The following ANTXR1 variants were observed in gnomAD, a reference collection of about 807,000 sequenced individuals.
ANTXR1 encodes anthrax toxin receptor 1.
ANTXR1 carries 19 observed loss-of-function variants against 78.1 expected under a neutral mutation model. That is an observed-to-expected ratio of 0.24 (90% CI 0.17 to 0.36). The LOEUF (loss-of-function observed/expected upper bound fraction) is 0.36, where lower values mean the gene tolerates loss of function less well. ANTXR1 is among the 10% of genes least tolerant of loss of function. The probability of loss-of-function intolerance (pLI) is 1.00; values close to 1 mark genes in which losing one functional copy is unlikely to be tolerated. For synonymous variants in ANTXR1, 273 were observed against 260.5 expected, an observed-to-expected ratio of 1.05 and a Z score of -0.46; for missense variants, 518 against 718.6, an observed-to-expected ratio of 0.72 and a Z score of 3.19.
At chr2:69,238,914 A>G (rs1209010260) in intron 17 of ANTXR1, among the ~76,000 whole-genome samples, 2 of 152,168 alleles carry the variant, frequency 1.3e-5, no homozygotes, top group Non-Finnish European at 2.9e-5. Context: ...CTCCCTCTCC[A>G]CGGAGCGTGC....
intron 17 of ANTXR1, among the ~76,000 whole-genome samples, chr2:69,220,623 TGTTA>T (rs1382250373): frequency 6.6e-6 from 1 of 152,236 alleles, no homozygotes; most frequent in African/African-American, 2.4e-5. Flanking sequence ...ATGTATATAT[TGTTA>T]TTTATTCTTT....
chr2:69,087,747 C>A lies in ANTXR1; in HGVS notation c.643-3112C>A, dbSNP rs575220047. ...ATTCCCCAGTGCTGTGTCTACACCTCTGCCATGGCTACCACTGCCCGGGCC... is the reference window on the plus strand; with the variant it reads ...ATTCCCCAGTGCTGTGTCTACACCTATGCCATGGCTACCACTGCCCGGGCC... On this transcript the variant is annotated intron_variant, in intron 8 of 17. Coordinates refer to ENST00000303714, the MANE Select transcript of ANTXR1 (RefSeq NM_032208.3). Among the ~76,000 whole-genome samples, 4 of 152,288 alleles carry A rather than the reference C, an allele frequency of 2.6e-5. No individual in the cohort carries two copies. The South Asian group carries it at 8.3e-4, about 32-fold the overall frequency.
At chr2:69,235,819 C>T (rs1457132486) in intron 17 of ANTXR1, among the ~76,000 whole-genome samples, 3 of 149,336 alleles carry the variant, frequency 2.0e-5, no homozygotes, top group East Asian at 3.9e-4. Context: ...TATTAGTCTG[C>T]TCTCATACTG....
In ANTXR1 at chr2:69,063,900, A is replaced by G. The variant is rs75823112; in HGVS notation, c.297-6747A>G. ...TCGCAGAGCAACTGCTCTAAAAAAG[A>G]CAAGACATACAGCTTTATGTTTTTA... On this transcript the variant is annotated intron_variant, in intron 3 of 17. Coordinates refer to ENST00000303714, the MANE Select transcript of ANTXR1 (RefSeq NM_032208.3). Among the ~76,000 whole-genome samples the G allele has an allele frequency of 0.016, 2,478 of 152,134 alleles. 104 individuals are homozygous for G. The East Asian group carries it at 0.17, about 10-fold the overall frequency.
At chr2:69,169,518 G>A (rs147261022) in intron 13 of ANTXR1, among the ~76,000 whole-genome samples, 2 of 152,340 alleles carry the variant, frequency 1.3e-5, no homozygotes, top group East Asian at 3.9e-4. Flanking sequence ...TCCCTGCTCT[G>A]TCCTTATCCC....
At chr2:69,115,208 C>T (rs1473029419) in intron 10 of ANTXR1, among the ~76,000 whole-genome samples, 3 of 152,150 alleles carry the variant, frequency 2.0e-5, no homozygotes, top group Non-Finnish European at 4.4e-5. Context: ...CAAAATCAAC[C>T]CCCATTTGAG....
intron 1 of ANTXR1, among the ~76,000 whole-genome samples, chr2:69,035,762 T>G (rs1046396956): frequency 2.0e-5 from 3 of 152,246 alleles, no homozygotes; most frequent in African/African-American, 7.2e-5. Context: ...ATTGCCTTTT[T>G]GCCTCCAGTT....
chr2:69,197,717 C>T (rs971403702), intron 17 of ANTXR1, among the ~76,000 whole-genome samples: 1 of 152,196 alleles, frequency 6.6e-6, no homozygotes, highest in African/African-American at 2.4e-5. Flanking sequence ...GAACCTCTGT[C>T]CCAGGATGGT....
chr2:69,022,695 C>CATAAG (rs1671228038), intron 1 of ANTXR1, among the ~76,000 whole-genome samples: 7 of 152,218 alleles, frequency 4.6e-5, no homozygotes, highest in Admixed American at 1.3e-4. Flanking sequence ...TGATTCAGGT[C>CATAAG]CCTCCCTCAG....
intron 3 of ANTXR1, among the ~76,000 whole-genome samples, chr2:69,049,512 G>A (rs1003704900): frequency 3.3e-5 from 5 of 152,044 alleles, no homozygotes; most frequent in Non-Finnish European, 7.4e-5. Flanking sequence ...GTTTCACCAT[G>A]TTGGTCAGGC....
At chr2:69,188,676 C>G (rs1422089178) in intron 16 of ANTXR1, among the ~76,000 whole-genome samples, 2 of 152,216 alleles carry the variant, frequency 1.3e-5, no homozygotes, top group African/African-American at 4.8e-5. Flanking sequence ...AATCTTTGTC[C>G]TAGCTTCACA....
At chr2:69,227,104 AAC>A (rs1200204675) in intron 17 of ANTXR1, among the ~76,000 whole-genome samples, 2 of 152,196 alleles carry the variant, frequency 1.3e-5, no homozygotes, top group Non-Finnish European at 2.9e-5. Flanking sequence ...GAAGCCTGAA[AAC>A]AGTTTTGAGG....
intron 12 of ANTXR1, among the ~76,000 whole-genome samples, chr2:69,146,880 C>A (rs1306495255): frequency 5.9e-5 from 9 of 152,246 alleles, no homozygotes; most frequent in Admixed American, 5.2e-4. Flanking sequence ...CACCCTTTCC[C>A]CTGGTGAAGA....
At position 69,080,249 on chromosome 2, in the gene ANTXR1, G is replaced by A. The variant is rs571309915; in HGVS notation, c.642+2761G>A. 7.0e-4 allele frequency among the ~76,000 whole-genome samples: 107 copies of A among 152,222 alleles called. 1 individual carries two copies. Among genetic ancestry groups the A allele is most frequent in the African/African-American group, 2.5e-3 (105 of 41,544 alleles). On this transcript the variant is annotated intron_variant, in intron 8 of 17. Transcript: ENST00000303714. The stretch of plus-strand genomic sequence containing the variant: ...CTTAAATCAGACAGAAATAATTACG[G>A]CCTAAAAGTTGGCTAACTATTTTTA...
intron 9 of ANTXR1, among the ~76,000 whole-genome samples, chr2:69,095,589 T>G (rs1002488730): frequency 5.3e-5 from 8 of 152,168 alleles, no homozygotes; most frequent in Admixed American, 2.6e-4. Context: ...TTAGGCTTAT[T>G]ATGTATAGCT....
At chr2:69,056,223 A>AT (rs1216121125) in intron 3 of ANTXR1, among the ~76,000 whole-genome samples, 2 of 152,152 alleles carry the variant, frequency 1.3e-5, no homozygotes, top group Non-Finnish European at 2.9e-5. Flanking sequence ...CAAAACCAAC[A>AT]TATTTTTTAT....
chr2:69,092,894 A>T (rs376774268), intron 9 of ANTXR1, among the ~76,000 whole-genome samples: 16 of 152,248 alleles, frequency 1.1e-4, no homozygotes, highest in African/African-American at 3.9e-4. Flanking sequence ...TTTTATAAAC[A>T]CACATTTTAT....
At chr2:69,239,916 TTTG>T (rs1675856589) in intron 17 of ANTXR1, among the ~76,000 whole-genome samples, 1 of 152,246 alleles carries the variant, frequency 6.6e-6, no homozygotes, top group Admixed American at 6.5e-5. Context: ...GGCAAAGCTT[TTTG>T]TTGAGAACAA....
chr2:69,100,019 C>T (rs1671557154), intron 9 of ANTXR1, among the ~76,000 whole-genome samples: 1 of 152,214 alleles, frequency 6.6e-6, no homozygotes, highest in African/African-American at 2.4e-5. Context: ...AAATCAAAGA[C>T]CATTTTCAGG....
Sources: gnomAD v4.1 joint callset for allele counts (sites outside exome capture counted in the v4.1 genomes callset) on GRCh38, gnomAD v4.1.1 for gene constraint, MANE v1.5 for transcripts, NCBI Gene and HGNC (gene_info 2026-07-23, HGNC 2026-07-21) for gene names.